Variants in RGS3 observed in about 807,000 individuals in gnomAD.
The protein encoded by RGS3 is regulator of G protein signaling 3, also known as regulator of G-protein signalling 3.
In RGS3, 80 loss-of-function variants were observed where a neutral mutation model predicts 132.6. That is an observed-to-expected ratio of 0.60 (90% CI 0.50 to 0.73). The LOEUF (loss-of-function observed/expected upper bound fraction) is 0.73. RGS3 is among the 30% of genes least tolerant of loss of function. The pLI is 0.00. For missense variants in RGS3, 1,382 were observed against 1,530.8 expected (o/e 0.90, Z 1.62); for synonymous variants, 598 against 620.6 (o/e 0.96, Z 0.54).
In RGS3 at chr9:113,537,460, G is replaced by C. The variant is rs1049463596; in HGVS notation, c.2037+542G>C. Among the ~76,000 whole-genome samples, 2 of 152,184 alleles carry C rather than the reference G, an allele frequency of 1.3e-5. No homozygotes were observed. The highest frequency in any genetic ancestry group is 1.9e-4 in the East Asian group (1 of 5,194). ...AGATTAGAGACTCCCAGGGGAGGCT[G>C]TTCTGGGCTGGGCACTGCTCAGCCC... On this transcript the variant is annotated intron_variant, in intron 19 of 24. Transcript: ENST00000350696. The surrounding 1 kb of genome is among the most constrained non-coding windows in gnomAD (Gnocchi z 4.3).
intron 7 of RGS3, 91 bp from the exon 6 acceptor site, chr9:113,495,695 G>T: frequency 1.0e-6 from 1 of 994,776 alleles, no homozygotes; most frequent in Admixed American, 1.7e-5. Context: ...AAACCACAGT[G>T]CATCAGGCAA....
At chr9:113,528,905 T>G (rs1832339134) in intron 17 of RGS3, among the ~76,000 whole-genome samples, 1 of 152,210 alleles carries the variant, frequency 6.6e-6, no homozygotes, top group Non-Finnish European at 1.5e-5. Context: ...GGAGGAGGCC[T>G]CCTGGGATGG....
Position 113,507,559 on chromosome 9 carries a change from C to A in RGS3, c.1358C>A (p.Thr453Asn). The A allele has an allele frequency of 6.3e-7, 1 of 1,581,582 alleles. No homozygotes were observed. Among genetic ancestry groups the A allele is most frequent in the Non-Finnish European group, 8.6e-7 (1 of 1,163,094 alleles). ...GTGGCCAAGCGCGGGGGCCAGCACA[C>A]CCTGCCTGCACTGTCCCGTGCCACT... The change falls in exon 13 of 25, where the codon ACC (threonine) becomes AAC (asparagine). Residue 453 changes from threonine to asparagine, a missense_variant. By Grantham distance (65) the Thr-to-Asn change is moderately conservative. Coordinates refer to ENST00000350696, the Ensembl canonical transcript of RGS3. The surrounding 1 kb of genome is among the most constrained non-coding windows in gnomAD (Gnocchi z 5.0).
intron 10 of RGS3, among the ~76,000 whole-genome samples, chr9:113,504,517 G>A (rs945200596): frequency 7.9e-5 from 12 of 152,150 alleles, no homozygotes; most frequent in African/African-American, 2.7e-4. Flanking sequence ...GTCCATAGTC[G>A]GAGCATAAAG....
intron 10 of RGS3, chr9:113,501,733 T>C (rs2119298901): frequency 8.1e-7 from 1 of 1,232,424 alleles, no homozygotes; most frequent in Non-Finnish European, 1.1e-6. Context: ...TTCTTTGACC[T>C]TTCCTGCTCC....
intron 7 of RGS3, among the ~76,000 whole-genome samples, chr9:113,487,414 C>T (rs1830375619): frequency 6.6e-6 from 1 of 152,186 alleles, no homozygotes. Flanking sequence ...CCCGGCCTGT[C>T]TCATTTAATT....
rs1233433295 is a variant in RGS3, at chr9:113,507,166, G to T, written c.1086-121G>T. 4 of 758,270 alleles carry T rather than the reference G, an allele frequency of 5.3e-6. No homozygotes were observed. In the African/African-American group the frequency reaches 5.3e-5, roughly 10 times the overall value. 47.0% of individuals were successfully genotyped at this position (758,270 alleles called of 1,614,324 possible). ...ATCCCTTCCTGCCCTGACACTGGGG[G>T]CTTCCCCTCTGGTGTCTGCCTCCTC... On this transcript the variant is annotated intron_variant, in intron 12 of 24. Coordinates refer to ENST00000350696, the Ensembl canonical transcript of RGS3. This position sits in a 1 kb window ranked among gnomAD's most constrained non-coding sequence, Gnocchi z 5.0.
At chr9:113,491,504 G>T (rs528240719) in intron 7 of RGS3, among the ~76,000 whole-genome samples, 1 of 151,772 alleles carries the variant, frequency 6.6e-6, no homozygotes, top group Non-Finnish European at 1.5e-5. Context: ...ACCCGCCTTG[G>T]CCTCCCAAAG....
Position 113,591,231 on chromosome 9 carries a change from G to A in RGS3, c.3016-102G>A, listed in dbSNP as rs1173257521. The A allele has an allele frequency of 4.8e-6, 5 of 1,037,872 alleles. No homozygotes were observed. The highest frequency in any genetic ancestry group is 7.3e-6 in the Non-Finnish European group (5 of 681,084). The allele number at this position is 1,037,872 out of a possible 1,614,324, so 64.3% of individuals were successfully genotyped here. On this transcript the variant is annotated intron_variant, in intron 20 of 24. Coordinates refer to ENST00000350696, the Ensembl canonical transcript of RGS3. This position sits in a 1 kb window ranked among gnomAD's most constrained non-coding sequence, Gnocchi z 4.4. ...GCCGCGGGTGGGGGCTTTGGGGATG[G>A]AAGGGGCTGGTGGCAGGGAATGTTG...
chr9:113,484,218 C>T (rs542813496), exon 6 of RGS3: 38 of 1,603,922 alleles, frequency 2.4e-5, no homozygotes, highest in South Asian at 1.4e-4. Context: ...CGGCTTTCCA[C>T]GAGCACTTCT....
At chr9:113,582,310 G>C (rs779724957) in intron 19 of RGS3, 1 of 710,334 alleles carries the variant, frequency 1.4e-6, no homozygotes, top group Non-Finnish European at 1.7e-6. Context: ...TCTACAATGA[G>C]AGCTCTTAAC....
exon 25 of RGS3, chr9:113,597,029 G>T: frequency 7.6e-7 from 1 of 1,314,296 alleles, no homozygotes; most frequent in South Asian, 1.4e-5. Context: ...TGCCCCCTGT[G>T]ACGGAGGGGG....
intron 21 of RGS3, chr9:113,593,400 C>T (rs1288378787): frequency 1.3e-5 from 2 of 152,342 alleles, no homozygotes; most frequent in Admixed American, 1.3e-4. Flanking sequence ...TGGTTTGAGT[C>T]AGCATTTTCC....
chr9:113,549,541 A>G (rs575397557), intron 19 of RGS3, among the ~76,000 whole-genome samples: 1 of 152,244 alleles, frequency 6.6e-6, no homozygotes, highest in Non-Finnish European at 1.5e-5. Context: ...CATTTAATAC[A>G]GATGAACCAG....
intron 3 of RGS3, among the ~76,000 whole-genome samples, chr9:113,475,441 T>C (rs1323602284): frequency 1.3e-5 from 2 of 152,200 alleles, no homozygotes; most frequent in Non-Finnish European, 2.9e-5. Flanking sequence ...GGTCTGGCTC[T>C]ATCATCCAGG....
chr9:113,572,076 C>G (rs932988999), intron 19 of RGS3, among the ~76,000 whole-genome samples: 1 of 151,922 alleles, frequency 6.6e-6, no homozygotes, highest in East Asian at 1.9e-4. Context: ...CTAGGCAGGA[C>G]GTACAGTGTG....
chr9:113,495,975 T>C, intron 8 of RGS3, 129 bp downstream of exon 6: 1 of 827,478 alleles, frequency 1.2e-6, no homozygotes, highest in South Asian at 1.4e-5. Context: ...ACAGGTGCCC[T>C]GTGGGGTGGC....
intron 19 of RGS3, among the ~76,000 whole-genome samples, chr9:113,577,285 C>T (rs1834576981): frequency 6.6e-6 from 1 of 152,176 alleles, no homozygotes; most frequent in African/African-American, 2.4e-5. Context: ...TGCCTGGCCT[C>T]AACTTTTATT....
At chr9:113,561,054 T>C (rs112907366) in intron 19 of RGS3, among the ~76,000 whole-genome samples, 18,190 of 152,146 alleles carry the variant, frequency 0.12, 1,316 homozygotes, top group African/African-American at 0.19. Context: ...AATGGAGTCT[T>C]GCTCTGTTGC....
Sources: gnomAD v4.1 joint callset for allele counts (sites outside exome capture counted in the v4.1 genomes callset) on GRCh38, gnomAD v4.1.1 for gene constraint, Gnocchi (gnomAD v3.1) non-coding constraint, MANE v1.5 for transcripts, NCBI Gene and HGNC (gene_info 2026-07-23, HGNC 2026-07-21) for gene names.